Variants in CSMD1 observed in about 807,000 individuals in gnomAD.
The protein encoded by CSMD1 is CUB and sushi domain-containing protein 1.
In CSMD1, 213 loss-of-function variants were observed where a neutral mutation model predicts 417.5. The ratio of observed to expected loss-of-function variants is 0.51; its 90% CI spans 0.46 to 0.57. CSMD1 has a LOEUF of 0.57. Among genes scored for constraint, CSMD1 ranks in the 20% least tolerant of loss-of-function variants. The pLI is 0.00. For synonymous variants in CSMD1, 2,862 were observed against 1,736.8 expected (o/e 1.65, Z -16.11); for missense variants, 6,923 against 4,529.7 (o/e 1.53, Z -15.17).
At chr8:4,166,025 T>C (rs1488728272) in intron 3 of CSMD1, among the ~76,000 whole-genome samples, 1 of 152,200 alleles carries the variant, frequency 6.6e-6, no homozygotes, top group Non-Finnish European at 1.5e-5. Context: ...TATATCCTTT[T>C]CTTGACCTTA....
At chr8:3,644,157 G>GC (rs1291956538) in intron 7 of CSMD1, among the ~76,000 whole-genome samples, 1 of 152,084 alleles carries the variant, frequency 6.6e-6, no homozygotes, top group African/African-American at 2.4e-5. Flanking sequence ...AAAATGTTAG[G>GC]CCCCCAATGT....
At chr8:3,812,233 G>C (rs899752934) in intron 5 of CSMD1, among the ~76,000 whole-genome samples, 1 of 152,118 alleles carries the variant, frequency 6.6e-6, no homozygotes, top group African/African-American at 2.4e-5. Context: ...AAAGATACAG[G>C]AAAGGGAACT....
At chr8:3,541,732 T>C (rs1798446338) in intron 10 of CSMD1, among the ~76,000 whole-genome samples, 2 of 145,686 alleles carry the variant, frequency 1.4e-5, no homozygotes, top group African/African-American at 2.6e-5. Context: ...TTAAAAATTA[T>C]AAAATATTAT....
rs184959540 is a variant in CSMD1 at position 3,438,559 on chromosome 8, T to C, written c.1562-28954A>G. On this transcript the variant is annotated intron_variant, in intron 12 of 69. Coordinates refer to ENST00000635120, the MANE Select transcript of CSMD1 (RefSeq NM_033225.6). ...CACCACTCTCTGGAGAGTCATCAAGTTGGTGCTTGTATCAATAGTTTATTC... is the reference window on the plus strand; with the variant it reads ...CACCACTCTCTGGAGAGTCATCAAGCTGGTGCTTGTATCAATAGTTTATTC... 1.4e-4 allele frequency among the ~76,000 whole-genome samples: 21 copies of C among 152,306 alleles called. No individual in the cohort carries two copies. The East Asian group carries it at 1.9e-3, about 14-fold the overall frequency.
At chr8:4,518,656 A>G (rs891200727) in intron 2 of CSMD1, among the ~76,000 whole-genome samples, 10 of 150,562 alleles carry the variant, frequency 6.6e-5, no homozygotes, top group South Asian at 6.4e-4. Flanking sequence ...TAGGAGATAT[A>G]CCTAATGCTA....
chr8:4,188,289 G>A (rs1310085567), intron 3 of CSMD1, among the ~76,000 whole-genome samples: 1 of 152,146 alleles, frequency 6.6e-6, no homozygotes, highest in Non-Finnish European at 1.5e-5. Flanking sequence ...GTCGGTCAAT[G>A]TCCCCCGGTT....
At chr8:3,247,800 A>G (rs1408974352) in intron 26 of CSMD1, among the ~76,000 whole-genome samples, 1 of 152,248 alleles carries the variant, frequency 6.6e-6, no homozygotes, top group Non-Finnish European at 1.5e-5. Context: ...TAGATTCACT[A>G]AGAATCACAA....
intron 3 of CSMD1, among the ~76,000 whole-genome samples, chr8:4,161,746 T>C (rs576420398): frequency 1.3e-5 from 2 of 152,336 alleles, no homozygotes; most frequent in African/African-American, 4.8e-5. Flanking sequence ...TTACTGATTC[T>C]GGAACCAGTT....
At chr8:4,126,580 G>T (rs938135898) in intron 3 of CSMD1, among the ~76,000 whole-genome samples, 12 of 152,090 alleles carry the variant, frequency 7.9e-5, no homozygotes, top group African/African-American at 2.7e-4. Context: ...ACTGGGGACG[G>T]GCCACCTTCT....
chr8:3,698,644 G>A (rs190111190), intron 7 of CSMD1, among the ~76,000 whole-genome samples: 12 of 152,290 alleles, frequency 7.9e-5, no homozygotes, highest in Non-Finnish European at 2.9e-5. Context: ...ACCTGATGAT[G>A]AGAGGCATTT....
At chr8:4,443,952 T>C (rs1241364938) in intron 2 of CSMD1, among the ~76,000 whole-genome samples, 1 of 152,080 alleles carries the variant, frequency 6.6e-6, no homozygotes, top group Non-Finnish European at 1.5e-5. Flanking sequence ...TATTCGTGTG[T>C]GATATAATTA....
At chr8:3,992,169 TTAGA>T (rs1563293300) in intron 5 of CSMD1, among the ~76,000 whole-genome samples, 1 of 151,030 alleles carries the variant, frequency 6.6e-6, no homozygotes, top group Admixed American at 6.6e-5. Flanking sequence ...ATTTTTATTG[TTAGA>T]TATATATAAA....
intron 3 of CSMD1, among the ~76,000 whole-genome samples, chr8:4,407,742 G>T (rs920158078): frequency 6.6e-6 from 1 of 152,126 alleles, no homozygotes; most frequent in Non-Finnish European, 1.5e-5. Flanking sequence ...ATGCATGTAA[G>T]CATTCCTTTA....
intron 37 of CSMD1, 41 bp downstream of exon 37, chr8:3,181,069 G>A (rs770056521): frequency 3.2e-6 from 4 of 1,254,936 alleles, no homozygotes; most frequent in Non-Finnish European, 4.7e-6. Context: ...AAATGACTCA[G>A]TATAACAGTG....
intron 1 of CSMD1, among the ~76,000 whole-genome samples, chr8:4,734,470 T>A (rs1172336012): frequency 2.0e-5 from 3 of 152,186 alleles, no homozygotes; most frequent in Admixed American, 6.5e-5. Context: ...ATAACTTTTC[T>A]TGTGTGGCCA....
chr8:3,835,003 C>G (rs148969628), intron 5 of CSMD1, among the ~76,000 whole-genome samples: 2,200 of 152,192 alleles, frequency 0.014, 45 homozygotes, highest in African/African-American at 0.037. Flanking sequence ...AAATGCAAGT[C>G]AAAACCACAA....
intron 10 of CSMD1, among the ~76,000 whole-genome samples, chr8:3,564,451 G>T (rs1197661886): frequency 1.3e-5 from 2 of 151,472 alleles, no homozygotes; most frequent in Non-Finnish European, 2.9e-5. Context: ...CTTTACCTCT[G>T]TAACACTTTA....
At chr8:3,760,088 G>C (rs527302506) in intron 5 of CSMD1, among the ~76,000 whole-genome samples, 3 of 152,126 alleles carry the variant, frequency 2.0e-5, no homozygotes, top group South Asian at 2.1e-4. Context: ...TAAAAAACAA[G>C]GGGGTTGAGA....
At chr8:3,790,607 C>T (rs550068484) in intron 5 of CSMD1, among the ~76,000 whole-genome samples, 6 of 152,238 alleles carry the variant, frequency 3.9e-5, no homozygotes, top group Non-Finnish European at 7.4e-5. Flanking sequence ...ACAACAATTA[C>T]ATTTCACAAT....
Sources: gnomAD v4.1 joint callset for allele counts (sites outside exome capture counted in the v4.1 genomes callset) on GRCh38, gnomAD v4.1.1 for gene constraint, MANE v1.5 for transcripts, NCBI Gene and HGNC (gene_info 2026-07-23, HGNC 2026-07-21) for gene names.